The following BANP variants were observed in gnomAD, a reference collection of about 807,000 sequenced individuals.
BANP encodes the protein protein BANP.
A neutral mutation model predicts 68.1 loss-of-function variants in BANP; 11 were observed. The observed-to-expected ratio is 0.16, with a 90% CI of 0.10 to 0.27. The LOEUF (loss-of-function observed/expected upper bound fraction) is 0.27, where lower values mean the gene tolerates loss of function less well. Ranked by LOEUF, BANP falls within the 10% of genes least tolerant of loss-of-function variation. The pLI, the probability that BANP is intolerant of heterozygous loss-of-function variation, is 1.00. For synonymous variants in BANP, 329 were observed against 303.2 expected (o/e 1.09, Z -0.88); for missense variants, 504 against 722.7 (o/e 0.70, Z 3.47).
intron 8 of BANP, among the ~76,000 whole-genome samples, chr16:88,032,349 C>G (rs2078373684): frequency 6.6e-6 from 1 of 151,760 alleles, no homozygotes; most frequent in Non-Finnish European, 1.5e-5. Context: ...TTACAGACCC[C>G]CACCACCACG....
At chr16:88,038,861 G>C (rs141027236) in intron 11 of BANP, among the ~76,000 whole-genome samples, 1 of 152,198 alleles carries the variant, frequency 6.6e-6, no homozygotes, top group African/African-American at 2.4e-5. Flanking sequence ...TAAAACAGAA[G>C]CTGGGAAGTT....
rs939529569 is a variant in BANP at position 88,026,450 on chromosome 16, G to C, written c.896-1033G>C. On this transcript the variant is annotated intron_variant, in intron 7 of 13. Coordinates refer to ENST00000682872, the MANE Select transcript of BANP (RefSeq NM_001386991.1). Reference sequence around the variant, plus strand: ...ACACAGGAGCAGCCACTGTGCGCCAGAATGTTCTGGGTGCCTGACCCCCAT... The same window carrying C: ...ACACAGGAGCAGCCACTGTGCGCCACAATGTTCTGGGTGCCTGACCCCCAT... Among the ~76,000 whole-genome samples, 7 of 152,360 alleles carry C rather than the reference G, an allele frequency of 4.6e-5. No individual in the cohort carries two copies. In the East Asian group the frequency reaches 9.6e-4, roughly 21 times the overall value.
rs72818558 is a variant in BANP, at chr16:88,057,941, G to C, written c.1312-7326G>C. Among the ~76,000 whole-genome samples, 24,880 of 152,218 alleles carry C rather than the reference G, an allele frequency of 0.16. 2,354 individuals are homozygous for C. Among genetic ancestry groups the C allele is most frequent in the East Asian group, 0.25 (1,283 of 5,170 alleles). ...CCGACAAGCCAGGCGCCGAGGCTCGGTGTGGGCCCGTGGGCCTGATTGAAG... is the reference window on the plus strand; with the variant it reads ...CCGACAAGCCAGGCGCCGAGGCTCGCTGTGGGCCCGTGGGCCTGATTGAAG... On this transcript the variant is annotated intron_variant, in intron 11 of 13. Transcript: ENST00000682872. This position sits in a 1 kb window ranked among gnomAD's most constrained non-coding sequence, Gnocchi z 4.6.
At chr16:87,952,309 C>T (rs1195510647) in intron 1 of BANP, 3 of 152,218 alleles carry the variant, frequency 2.0e-5, no homozygotes, top group Non-Finnish European at 2.9e-5. Context: ...AATACATCAT[C>T]CCTGAAGAAC....
At chr16:88,041,024 C>T (rs2080652416) in intron 11 of BANP, among the ~76,000 whole-genome samples, 2 of 152,230 alleles carry the variant, frequency 1.3e-5, no homozygotes, top group African/African-American at 2.4e-5. Context: ...TCCGGCCATC[C>T]GTTTTCCGTC....
chr16:88,064,531 A>G lies in BANP; in HGVS notation c.1312-736A>G, dbSNP rs1283047129. On this transcript the variant is annotated intron_variant, in intron 11 of 13. Coordinates refer to ENST00000682872, the MANE Select transcript of BANP (RefSeq NM_001386991.1). The surrounding 1 kb of genome is among the most constrained non-coding windows in gnomAD (Gnocchi z 4.5). ...GCTCCCAGGATGCGGCTAGGCGTCC[A>G]GGCCAGCATCGGGTTGGCTGAGGGT... is the stretch of plus-strand genomic sequence containing the variant. Among the ~76,000 whole-genome samples the G allele has an allele frequency of 1.3e-5, 2 of 152,252 alleles. No individual in the cohort carries two copies. The highest frequency in any genetic ancestry group is 2.4e-5 in the African/African-American group (1 of 41,476).
rs572320868 is a variant in BANP at position 88,004,569 on chromosome 16, G to A, written c.479+158G>A. Among the ~76,000 whole-genome samples, 30 of 152,304 alleles carry A rather than the reference G, an allele frequency of 2.0e-4. No homozygotes were observed. Among genetic ancestry groups the A allele is most frequent in the African/African-American group, 3.8e-4 (16 of 41,564 alleles). On this transcript the variant is annotated intron_variant, in intron 5 of 13. Coordinates refer to ENST00000682872, the MANE Select transcript of BANP (RefSeq NM_001386991.1). This position sits in a 1 kb window ranked among gnomAD's most constrained non-coding sequence, Gnocchi z 7.0. ...GGCACCGCCCCAGCTCTCTGAGGTC[G>A]GGGAGGGCAGGCTGGGCGATGCTGA...
intron 11 of BANP, among the ~76,000 whole-genome samples, chr16:88,039,123 C>G (rs1166133993): frequency 1.3e-5 from 2 of 152,156 alleles, no homozygotes; most frequent in African/African-American, 4.8e-5. Context: ...GGGCTGCAGA[C>G]CCTCCAGAAC....
intron 6 of BANP, among the ~76,000 whole-genome samples, chr16:88,010,842 AGCCAC>A (rs1270622641): frequency 5.3e-5 from 8 of 152,160 alleles, no homozygotes; most frequent in Admixed American, 1.3e-4. Flanking sequence ...GAGAACGTGT[AGCCAC>A]GCTATGCTGT....
intron 12 of BANP, among the ~76,000 whole-genome samples, chr16:88,069,245 A>T (rs777591932): frequency 2.0e-5 from 3 of 152,296 alleles, no homozygotes; most frequent in Admixed American, 1.3e-4. Context: ...AGTTTATTTC[A>T]TGTCAGCAAA....
At position 88,036,357 on chromosome 16, in the gene BANP, C is replaced by T. The variant is rs564715705; in HGVS notation, c.1272+963C>T. On this transcript the variant is annotated intron_variant, in intron 10 of 13. Coordinates refer to ENST00000682872, the MANE Select transcript of BANP (RefSeq NM_001386991.1). This position sits in a 1 kb window ranked among gnomAD's most constrained non-coding sequence, Gnocchi z 4.2. ...TCAAGGGGACTCATGGAGATGTTGG[C>T]GTGCGAGGCCTCCTGGGAGCTCATG... Among the ~76,000 whole-genome samples the T allele has an allele frequency of 2.2e-4, 34 of 152,234 alleles. No individual in the cohort carries two copies. Among genetic ancestry groups the T allele is most frequent in the African/African-American group, 7.7e-4 (32 of 41,540 alleles).
chr16:87,993,137 A>G (rs2152503834), intron 4 of BANP, among the ~76,000 whole-genome samples: 1 of 152,360 alleles, frequency 6.6e-6, no homozygotes, highest in South Asian at 2.1e-4. Context: ...AGTCCTTCTC[A>G]TCGCATTCTG....
rs1181296460 is a variant in BANP at position 88,005,334 on chromosome 16, C to T, written c.480-756C>T. Among the ~76,000 whole-genome samples, 5 of 152,222 alleles carry T rather than the reference C, an allele frequency of 3.3e-5. No individual in the cohort carries two copies. In the South Asian group the frequency reaches 6.2e-4, roughly 19 times the overall value. ...AGAAAGTGCAGAGTGCAGCGCCCTC[C>T]TCTGGGTGCGGCCAGTGTTTTCAAC... On this transcript the variant is annotated intron_variant, in intron 5 of 13. Transcript: ENST00000682872.
At position 88,031,648 on chromosome 16, in the gene BANP, CA is replaced by C. The variant is rs1230300944; in HGVS notation, c.1064-1446del. 4.5e-3 allele frequency among the ~76,000 whole-genome samples: 493 copies of C among 109,326 alleles called. 3 individuals carry two copies. Among genetic ancestry groups the C allele is most frequent in the East Asian group, 0.021 (74 of 3,516 alleles). 71.7% of individuals were successfully genotyped at this position (109,326 alleles called of 152,430 possible). On this transcript the variant is annotated intron_variant, in intron 8 of 13. Transcript: ENST00000682872. ...TGGGTGACAGAGCAAGACTCTCTCT[CA>C]AAAAAAAAAAAAAAGAAACCCAACA...
chr16:88,028,881 ATG>A (rs900374796), intron 8 of BANP, among the ~76,000 whole-genome samples: 2 of 152,200 alleles, frequency 1.3e-5, no homozygotes, highest in African/African-American at 2.4e-5. Context: ...TTAAAAATTT[ATG>A]TGTGATCATT....
At chr16:87,965,922 G>A (rs1037109011) in intron 1 of BANP, among the ~76,000 whole-genome samples, 1 of 152,240 alleles carries the variant, frequency 6.6e-6, no homozygotes, top group East Asian at 1.9e-4. Flanking sequence ...AGTGGGGCTC[G>A]TGCAGTTGGA....
intron 1 of BANP, among the ~76,000 whole-genome samples, chr16:87,967,547 C>A (rs1173345980): frequency 6.6e-6 from 1 of 151,980 alleles, no homozygotes; most frequent in Non-Finnish European, 1.5e-5. Context: ...ACTCTGCCTC[C>A]TGGGTGCAAG....
chr16:88,073,074 C>T (rs1487727998), intron 13 of BANP, among the ~76,000 whole-genome samples: 1 of 152,266 alleles, frequency 6.6e-6, no homozygotes, highest in Non-Finnish European at 1.5e-5. Flanking sequence ...AGCAGCCTTT[C>T]CCTGCTCCCC....
At chr16:87,989,329 A>C (rs1036495138) in intron 4 of BANP, among the ~76,000 whole-genome samples, 1 of 152,136 alleles carries the variant, frequency 6.6e-6, no homozygotes, top group African/African-American at 2.4e-5. Flanking sequence ...CGAGGTTTTA[A>C]CTTTAAAGAT....
Sources: gnomAD v4.1 joint callset for allele counts (sites outside exome capture counted in the v4.1 genomes callset) on GRCh38, gnomAD v4.1.1 for gene constraint, Gnocchi (gnomAD v3.1) non-coding constraint, MANE v1.5 for transcripts, NCBI Gene and HGNC (gene_info 2026-07-23, HGNC 2026-07-21) for gene names.